The following KIAA1549L variants were observed in gnomAD, a reference collection of about 807,000 sequenced individuals.
The protein encoded by KIAA1549L is UPF0606 protein KIAA1549L.
KIAA1549L carries 88 observed loss-of-function variants against 160.7 expected under a neutral mutation model. The ratio of observed to expected loss-of-function variants is 0.55; its 90% confidence interval spans 0.46 to 0.65. The LOEUF (loss-of-function observed/expected upper bound fraction) is 0.65. Ranked by LOEUF, KIAA1549L falls within the 30% of genes least tolerant of loss-of-function variation. KIAA1549L has a pLI of 0.00. For synonymous variants in KIAA1549L, 950 were observed against 976.7 expected (o/e 0.97, Z 0.51); for missense variants, 2,258 against 2,437.5 (o/e 0.93, Z 1.55).
rs796792911 is a variant in KIAA1549L, at chr11:33,381,893, T to C, written c.238+5004T>C. Among the ~76,000 whole-genome samples the C allele has an allele frequency of 9.2e-5, 14 of 152,302 alleles. 1 individual carries two copies. The highest frequency in any genetic ancestry group is 3.1e-4 in the African/African-American group (13 of 41,564). The stretch of plus-strand genomic sequence containing the variant: ...GGAATTGATACGGCTCCAAGGTCTT[T>C]GGCTCAAGCAACTGGGAAGATGAAG... On this transcript the variant is annotated intron_variant, in intron 1 of 20. Transcript: ENST00000658780.
In KIAA1549L at chr11:33,576,867, C is replaced by T. The variant is rs182820114; in HGVS notation, c.4402+1994C>T. Among the ~76,000 whole-genome samples, 7 of 152,144 alleles carry T rather than the reference C, an allele frequency of 4.6e-5. No homozygotes were observed. The East Asian group carries it at 5.8e-4, about 13-fold the overall frequency. Reference sequence around the variant, plus strand: ...ATGGAACTGGGAGTTTGGTTGTAGACGTGTTAGGTGTGAGATGTCTACTAG... The same window carrying T: ...ATGGAACTGGGAGTTTGGTTGTAGATGTGTTAGGTGTGAGATGTCTACTAG... On this transcript the variant is annotated intron_variant, in intron 10 of 20. Coordinates refer to ENST00000658780, the MANE Select transcript of KIAA1549L (RefSeq NM_012194.3).
chr11:33,444,986 A>T (rs1321362320), intron 1 of KIAA1549L, among the ~76,000 whole-genome samples: 2 of 152,200 alleles, frequency 1.3e-5, no homozygotes, highest in Non-Finnish European at 2.9e-5. Flanking sequence ...GCAGGTCTAC[A>T]GTAAATGGAG....
intron 12 of KIAA1549L, among the ~76,000 whole-genome samples, chr11:33,597,616 C>T (rs917161277): frequency 3.3e-5 from 5 of 152,220 alleles, no homozygotes; most frequent in African/African-American, 1.2e-4. Flanking sequence ...AGTCTTTATG[C>T]TCAGCCGGAC....
At chr11:33,605,589 T>A (rs2133319729) in intron 13 of KIAA1549L, among the ~76,000 whole-genome samples, 1 of 152,356 alleles carries the variant, frequency 6.6e-6, no homozygotes, top group East Asian at 1.9e-4. Context: ...TTGGCTTAAT[T>A]TGACAAATCT....
chr11:33,558,252 T>C (rs1590342151), intron 6 of KIAA1549L, among the ~76,000 whole-genome samples: 4 of 152,136 alleles, frequency 2.6e-5, no homozygotes, highest in Non-Finnish European at 5.9e-5. Flanking sequence ...AAGGTGGCTT[T>C]GTAGAAAGAA....
chr11:33,541,611 C>T (rs1240831166), intron 1 of KIAA1549L, among the ~76,000 whole-genome samples, 191 bp from the exon 2 acceptor site: 1 of 152,208 alleles, frequency 6.6e-6, no homozygotes, highest in South Asian at 2.1e-4. Context: ...CCCACCAACC[C>T]TGCCCTGTAG....
chr11:33,647,761 C>T (rs1243524138), intron 17 of KIAA1549L, among the ~76,000 whole-genome samples: 1 of 145,102 alleles, frequency 6.9e-6, no homozygotes, highest in African/African-American at 2.6e-5. Flanking sequence ...TGGCCCATAG[C>T]CATCGTATCT....
chr11:33,650,312 C>G (rs1488480982), intron 17 of KIAA1549L, among the ~76,000 whole-genome samples: 1 of 152,122 alleles, frequency 6.6e-6, no homozygotes, highest in Non-Finnish European at 1.5e-5. Context: ...GTTGGTACAG[C>G]AAGGCTGTGT....
At chr11:33,549,980 G>A (rs187325638) in intron 4 of KIAA1549L, among the ~76,000 whole-genome samples, 2 of 151,666 alleles carry the variant, frequency 1.3e-5, no homozygotes, top group South Asian at 2.1e-4. Flanking sequence ...ACTCCAGTCT[G>A]GGTGACAGAG....
At chr11:33,500,019 C>A (rs890181319) in intron 1 of KIAA1549L, among the ~76,000 whole-genome samples, 1 of 152,184 alleles carries the variant, frequency 6.6e-6, no homozygotes, top group Non-Finnish European at 1.5e-5. Context: ...ACCAGGGTAG[C>A]CTTCTCACTG....
chr11:33,430,055 C>T (rs1352069634), intron 1 of KIAA1549L, among the ~76,000 whole-genome samples: 1 of 137,518 alleles, frequency 7.3e-6, no homozygotes, highest in Non-Finnish European at 1.6e-5. Context: ...TCCTCCCTTC[C>T]CTCTCTCCTC....
intron 1 of KIAA1549L, among the ~76,000 whole-genome samples, chr11:33,512,511 C>T (rs1374554670): frequency 6.6e-6 from 1 of 152,174 alleles, no homozygotes; most frequent in Non-Finnish European, 1.5e-5. Context: ...GAACCTTGAT[C>T]TCCCAGGCTC....
intron 1 of KIAA1549L, among the ~76,000 whole-genome samples, chr11:33,518,399 T>C (rs1480362675): frequency 1.3e-5 from 2 of 152,066 alleles, no homozygotes; most frequent in Non-Finnish European, 2.9e-5. Context: ...CCTGGCCCAT[T>C]GTGTGATGTT....
At chr11:33,591,891 T>C (rs1565201827) in intron 12 of KIAA1549L, among the ~76,000 whole-genome samples, 1 of 152,190 alleles carries the variant, frequency 6.6e-6, no homozygotes, top group African/African-American at 2.4e-5. Flanking sequence ...AGGAGTCTCA[T>C]GATGGAGGAG....
intron 10 of KIAA1549L, among the ~76,000 whole-genome samples, chr11:33,578,047 C>T (rs959674658): frequency 3.3e-5 from 5 of 152,188 alleles, no homozygotes; most frequent in African/African-American, 1.2e-4. Context: ...CTCAAGGCCA[C>T]CCCAGGCCTT....
intron 20 of KIAA1549L, 126 bp downstream of exon 20, chr11:33,661,140 A>C: frequency 1.1e-6 from 1 of 951,740 alleles, no homozygotes; most frequent in Non-Finnish European, 1.5e-6. Context: ...CGGATGACTA[A>C]AGTCAGCCAT....
At position 33,669,049 on chromosome 11, in the gene KIAA1549L, ATC is replaced by A. The variant is rs1564952708; in HGVS notation, c.*899_*900del. The A allele has an allele frequency of 1.3e-5, 2 of 152,156 alleles. No homozygotes were observed. Among genetic ancestry groups the A allele is most frequent in the African/African-American group, 2.4e-5 (1 of 41,430 alleles). The allele number at this position is 152,156 out of a possible 1,614,324, so 9.4% of individuals were successfully genotyped here. A position where few individuals can be genotyped will look rare whatever the true frequency, so the allele number is the denominator to read the frequency against. ...TAGATACATCAACTTTTACAAGAAAATCTCTGTCTCTTCAACAATGATGTCCA... is the reference window on the plus strand; with the variant it reads ...TAGATACATCAACTTTTACAAGAAAATCTGTCTCTTCAACAATGATGTCCA... On this transcript the variant is annotated 3_prime_UTR_variant, in exon 21 of 21. Transcript: ENST00000658780.
chr11:33,425,789 C>T (rs1851104399), intron 1 of KIAA1549L, among the ~76,000 whole-genome samples: 1 of 152,174 alleles, frequency 6.6e-6, no homozygotes, highest in South Asian at 2.1e-4. Context: ...ATAACATCAC[C>T]AGTAATGAGA....
chr11:33,490,853 G>A (rs1310538934), intron 1 of KIAA1549L, among the ~76,000 whole-genome samples: 3 of 152,184 alleles, frequency 2.0e-5, no homozygotes, highest in Non-Finnish European at 2.9e-5. Context: ...GTAGGTCTGA[G>A]GTGGGGCCTG....
Sources: allele counts gnomAD v4.1 joint callset (sites outside exome capture counted in the v4.1 genomes callset), GRCh38; gene constraint gnomAD v4.1.1; transcripts MANE v1.5; gene names NCBI Gene and HGNC (gene_info 2026-07-23, HGNC 2026-07-21).